MAN2B1: variants seen among roughly 807,000 people sequenced by gnomAD.
The protein encoded by MAN2B1 is lysosomal alpha-mannosidase.
MAN2B1 carries 99 observed loss-of-function variants against 127.5 expected under a neutral mutation model. That is an observed-to-expected ratio of 0.78 (90% CI 0.66 to 0.92). MAN2B1 has a LOEUF of 0.92. Ranked by LOEUF, MAN2B1 falls within the 40% of genes least tolerant of loss-of-function variation. The pLI is 0.00. For synonymous variants in MAN2B1, 573 were observed against 568.8 expected (o/e 1.01, Z -0.11); for missense variants, 1,304 against 1,384.8 (o/e 0.94, Z 0.93).
At chr19:12,656,073 C>T in intron 13 of MAN2B1, 194 bp from the exon 14 acceptor site, 1 of 533,950 alleles carries the variant, frequency 1.9e-6, no homozygotes, top group Middle Eastern at 5.0e-4. Context: ...AAAAACCCAC[C>T]GGGAGGGTGG....
At chr19:12,656,187 GAAGGAGATGTCCATA>G (rs2023951845) in intron 13 of MAN2B1, 1 of 465,966 alleles carries the variant, frequency 2.1e-6, no homozygotes, top group South Asian at 2.5e-5. Context: ...TTTCTGGAAT[GAAGGAGATGTCCATA>G]AACAGCAATA....
intron 5 of MAN2B1, 31 bp downstream of exon 5, chr19:12,663,672 T>C: frequency 6.3e-7 from 1 of 1,590,900 alleles, no homozygotes. Flanking sequence ...TGTGGCACCA[T>C]GGCTGGCCCT....
chr19:12,663,586 G>A, intron 5 of MAN2B1, 117 bp downstream of exon 5: 9 of 1,541,202 alleles, frequency 5.8e-6, no homozygotes, highest in Non-Finnish European at 7.0e-6. Flanking sequence ...GAAATGCAGG[G>A]CCTTTGTTCC....
intron 13 of MAN2B1, 156 bp downstream of exon 13, chr19:12,656,414 CT>C: frequency 1.6e-6 from 1 of 635,650 alleles, no homozygotes; most frequent in South Asian, 1.8e-5. Flanking sequence ...CAAGGGGAGA[CT>C]GATATTAAGG....
chr19:12,648,627 A>G (rs989657849), intron 20 of MAN2B1, among the ~76,000 whole-genome samples: 3 of 152,150 alleles, frequency 2.0e-5, no homozygotes, highest in African/African-American at 7.2e-5. Flanking sequence ...GGGGGCCTGG[A>G]TATGGCACGC....
Position 12,647,185 on chromosome 19 carries a change from G to C in MAN2B1, c.2923+48C>G. On this transcript the variant is annotated intron_variant, in intron 23 of 23. Transcript: ENST00000456935. This position sits in a 1 kb window ranked among gnomAD's most constrained non-coding sequence, Gnocchi z 4.9. ...CCTCACACATTGCCCCCACCTGCCG[G>C]CCCCAGGTAAGACTCCACCCCTTCC... The C allele has an allele frequency of 6.6e-7, 1 of 1,519,946 alleles. No individual in the cohort carries two copies. The highest frequency in any genetic ancestry group is 9.1e-7 in the Non-Finnish European group (1 of 1,094,600). 94.2% of individuals were successfully genotyped at this position (1,519,946 alleles called of 1,614,324 possible).
At position 12,658,351 on chromosome 19, in the gene MAN2B1, C is replaced by T. The variant is rs578109865; in HGVS notation, c.1110-7G>A. 15 of 1,614,202 alleles carry T rather than the reference C, an allele frequency of 9.3e-6. No homozygotes were observed. In the African/African-American group the frequency reaches 1.9e-4, roughly 20 times the overall value. On this transcript the variant is annotated splice_region_variant and splice_polypyrimidine_tract_variant and intron_variant, in intron 8 of 23. Transcript: ENST00000456935. The stretch of plus-strand genomic sequence containing the variant: ...GTCGTCATGTTTCACTGACCTACAG[C>T]GGCAGGGGCATTGAGGGCAGGGTCA...
chr19:12,664,371 G>A (rs796685885), intron 4 of MAN2B1, among the ~76,000 whole-genome samples: 8 of 152,224 alleles, frequency 5.3e-5, no homozygotes, highest in African/African-American at 1.9e-4. Flanking sequence ...CCCCAGCACT[G>A]TCAAAGCGCA....
chr19:12,653,837 C>T (rs2023897125), intron 14 of MAN2B1, among the ~76,000 whole-genome samples: 1 of 151,648 alleles, frequency 6.6e-6, no homozygotes, highest in Non-Finnish European at 1.5e-5. Context: ...TCCTGCCTCT[C>T]CCTCCCGAGT....
At chr19:12,659,307 T>TA in intron 7 of MAN2B1, among the ~76,000 whole-genome samples, 1 of 148,594 alleles carries the variant, frequency 6.7e-6, no homozygotes, top group South Asian at 2.2e-4. Context: ...CTTTTTTTTT[T>TA]TTTTTTTTTT....
At chr19:12,663,941 G>A in intron 4 of MAN2B1, 106 bp from the exon 5 acceptor site, 2 of 1,451,368 alleles carry the variant, frequency 1.4e-6, no homozygotes. Context: ...TTAAAAAGCA[G>A]TGCTAGGTCG....
chr19:12,659,636 T>C (rs907253609), intron 7 of MAN2B1, among the ~76,000 whole-genome samples: 3 of 151,770 alleles, frequency 2.0e-5, no homozygotes, highest in Non-Finnish European at 4.4e-5. Context: ...CTGGCCAACA[T>C]AGTGAAACCC....
chr19:12,657,220 G>T, intron 11 of MAN2B1, 164 bp from the exon 12 acceptor site: 1 of 705,880 alleles, frequency 1.4e-6, no homozygotes, highest in East Asian at 2.7e-5. Context: ...CCCCATAGCT[G>T]TCTCCGCCTC....
rs2024198529 is a variant in MAN2B1, at chr19:12,665,150, T to A, written c.437-165A>T. On this transcript the variant is annotated intron_variant, in intron 3 of 23. Coordinates refer to ENST00000456935, the MANE Select transcript of MAN2B1 (RefSeq NM_000528.4). The stretch of plus-strand genomic sequence containing the variant: ...TCCCAGATATGGGAAAGAGGCCCCC[T>A]GCATGGCAGGCTTCCCAGAGGATGC... 2.9e-6 allele frequency: 3 copies of A among 1,021,374 alleles called. No homozygotes were observed. In the South Asian group the frequency reaches 3.9e-5, roughly 13 times the overall value. The allele number at this position is 1,021,374 out of a possible 1,614,324, so 63.3% of individuals were successfully genotyped here.
chr19:12,649,039 C>T, intron 20 of MAN2B1, 97 bp downstream of exon 20: 1 of 989,744 alleles, frequency 1.0e-6, no homozygotes, highest in Non-Finnish European at 1.6e-6. Context: ...CTTAGTGGGG[C>T]CTGAAAGCAG....
Position 12,647,206 on chromosome 19 carries a change from C to A in MAN2B1, c.2923+27G>T, listed in dbSNP as rs770467568. ...GCCGGCCCCAGGTAAGACTCCACCC[C>A]TTCCCTACCCCTGACCAGGGCCCCA... On this transcript the variant is annotated intron_variant, in intron 23 of 23. Coordinates refer to ENST00000456935, the MANE Select transcript of MAN2B1 (RefSeq NM_000528.4). This position sits in a 1 kb window ranked among gnomAD's most constrained non-coding sequence, Gnocchi z 4.9. 15 of 1,594,658 alleles carry A rather than the reference C, an allele frequency of 9.4e-6. No homozygotes were observed. The highest frequency in any genetic ancestry group is 1.3e-5 in the African/African-American group (1 of 74,420).
At chr19:12,663,261 A>G in intron 6 of MAN2B1, 56 bp downstream of exon 6, 3 of 1,600,348 alleles carry the variant, frequency 1.9e-6, no homozygotes, top group East Asian at 2.2e-5. Context: ...TGTACCATGG[A>G]AAGAGCTCAT....
At position 12,650,215 on chromosome 19, in the gene MAN2B1, A is replaced by G. The variant is rs779966472; in HGVS notation, c.2054T>C (p.Leu685Ser). The G allele has an allele frequency of 7.1e-5, 115 of 1,611,842 alleles. No individual in the cohort carries two copies. Among genetic ancestry groups the G allele is most frequent in the Non-Finnish European group, 8.7e-5 (103 of 1,178,366 alleles). Reference sequence around the variant, plus strand: ...GAAGTTCTGGTGCACCTCCTGCACCAAGGGTGTCTGCGGGCACACGGGTGA... The same window carrying G: ...GAAGTTCTGGTGCACCTCCTGCACCGAGGGTGTCTGCGGGCACACGGGTGA... ...WAQIHLVKTP[L>S]VQEVHQNFSA... Residue 685 changes from leucine to serine, a missense_variant, in exon 17 of 24, where the codon TTG becomes TCG. Leu to Ser is a moderately radical substitution (Grantham distance 145). Transcript: ENST00000456935.
At chr19:12,657,134 T>G (rs1256132360) in intron 11 of MAN2B1, 78 bp from the exon 12 acceptor site, 4 of 876,558 alleles carry the variant, frequency 4.6e-6, no homozygotes, top group African/African-American at 3.3e-5. Context: ...CCCCGCCCCG[T>G]TCCGGTCTCT....
Sources: gnomAD v4.1 joint callset for allele counts (sites outside exome capture counted in the v4.1 genomes callset) on GRCh38, gnomAD v4.1.1 for gene constraint, Gnocchi (gnomAD v3.1) non-coding constraint, MANE v1.5 for transcripts, NCBI Gene and HGNC (gene_info 2026-07-23, HGNC 2026-07-21) for gene names.